TRMT1L: variants seen among roughly 807,000 people sequenced by gnomAD.
The protein encoded by TRMT1L is tRNA (guanine(27)-N(2))-dimethyltransferase.
In TRMT1L, 28 loss-of-function variants were observed where a neutral mutation model predicts 81.6. The observed-to-expected ratio is 0.34, with a 90% CI of 0.25 to 0.47. The LOEUF (loss-of-function observed/expected upper bound fraction) is 0.47. TRMT1L is among the 20% of genes least tolerant of loss of function. The probability of loss-of-function intolerance (pLI) is 1.00; values close to 1 mark genes in which losing one functional copy is unlikely to be tolerated. For missense variants in TRMT1L, 739 were observed against 877.1 expected, an observed-to-expected ratio of 0.84 and a Z score of 1.99; for synonymous variants, 301 against 303.2, an observed-to-expected ratio of 0.99 and a Z score of 0.07.
chr1:185,134,370 T>TAAA (rs1373489536), intron 10 of TRMT1L, among the ~76,000 whole-genome samples: 3 of 152,136 alleles, frequency 2.0e-5, no homozygotes, highest in Non-Finnish European at 2.9e-5. Flanking sequence ...TTTTGTACTT[T>TAAA]TAGTAGAGAT....
At chr1:185,153,889 C>A (rs1458132516) in intron 1 of TRMT1L, among the ~76,000 whole-genome samples, 1 of 152,174 alleles carries the variant, frequency 6.6e-6, no homozygotes, top group Non-Finnish European at 1.5e-5. Context: ...GATATTAGCA[C>A]CTTCTTGACT....
At chr1:185,156,337 C>G (rs1290975717) in intron 1 of TRMT1L, 141 bp downstream of exon 1, 2 of 1,575,066 alleles carry the variant, frequency 1.3e-6, no homozygotes, top group African/African-American at 1.3e-5. Context: ...AGCCGCTACA[C>G]GGGCCCCTCT....
At chr1:185,147,267 T>A in intron 3 of TRMT1L, 21 bp from the exon 4 acceptor site, 1 of 1,558,928 alleles carries the variant, frequency 6.4e-7, no homozygotes, top group South Asian at 1.2e-5. Flanking sequence ...GAATGGCTGG[T>A]TATCATACAT....
At chr1:185,136,309 T>C (rs1652898551) in intron 10 of TRMT1L, among the ~76,000 whole-genome samples, 1 of 152,114 alleles carries the variant, frequency 6.6e-6, no homozygotes, top group African/African-American at 2.4e-5. Flanking sequence ...CTTGGGAGGC[T>C]GAGGCAGGAG....
chr1:185,125,448 TGA>T (rs1410595438), intron 11 of TRMT1L, among the ~76,000 whole-genome samples: 1 of 152,098 alleles, frequency 6.6e-6, no homozygotes, highest in Non-Finnish European at 1.5e-5. Flanking sequence ...ATTACAGGTG[TGA>T]GACACCACAC....
chr1:185,143,010 T>G (rs962907109), intron 7 of TRMT1L, among the ~76,000 whole-genome samples: 1 of 152,200 alleles, frequency 6.6e-6, no homozygotes, highest in African/African-American at 2.4e-5. Flanking sequence ...TGGTTTTATT[T>G]TTTAAAAATC....
At chr1:185,151,260 C>A (rs1402582455) in intron 2 of TRMT1L, among the ~76,000 whole-genome samples, 1 of 152,150 alleles carries the variant, frequency 6.6e-6, no homozygotes, top group East Asian at 1.9e-4. Flanking sequence ...CTTATACCTA[C>A]ATACCTGTCA....
At chr1:185,140,969 C>CAA (rs538571932) in intron 7 of TRMT1L, among the ~76,000 whole-genome samples, 3,028 of 88,832 alleles carry the variant, frequency 0.034, 125 homozygotes, top group African/African-American at 0.11. Context: ...GACCCTATCT[C>CAA]AAAAAAAAAA....
rs1653207016 is a variant in TRMT1L at position 185,147,083 on chromosome 1, A to C, written c.525+99T>G. ...CTCAGAGAATTTTAAAGTAAACCACACTGCTGAACATACACATTTTAGTTT... is the reference window on the plus strand; with the variant it reads ...CTCAGAGAATTTTAAAGTAAACCACCCTGCTGAACATACACATTTTAGTTT... On this transcript the variant is annotated intron_variant, in intron 4 of 14. Transcript: ENST00000367506. 14 of 683,634 alleles carry C rather than the reference A, an allele frequency of 2.0e-5. No homozygotes were observed. In the South Asian group the frequency reaches 2.8e-4, roughly 14 times the overall value. 42.3% of individuals were successfully genotyped at this position (683,634 alleles called of 1,614,324 possible). A position where few individuals can be genotyped will look rare whatever the true frequency, so the allele number is the denominator to read the frequency against.
At chr1:185,140,785 C>T (rs1653016470) in intron 7 of TRMT1L, among the ~76,000 whole-genome samples, 1 of 151,548 alleles carries the variant, frequency 6.6e-6, no homozygotes, top group Non-Finnish European at 1.5e-5. Context: ...TTGAGACCAG[C>T]TTGGGCAACA....
intron 10 of TRMT1L, among the ~76,000 whole-genome samples, chr1:185,129,557 C>G (rs996771156): frequency 5.9e-5 from 9 of 152,170 alleles, no homozygotes; most frequent in Admixed American, 3.3e-4. Context: ...TAATTCCCTC[C>G]ACTCCAGGCC....
Position 185,140,021 on chromosome 1 carries a change from G to T in TRMT1L, c.1061C>A (p.Thr354Asn), listed in dbSNP as rs778988404. 1 of 1,613,440 alleles carries T rather than the reference G, an allele frequency of 6.2e-7. No individual in the cohort carries two copies. Among genetic ancestry groups the T allele is most frequent in the African/African-American group, 1.3e-5 (1 of 74,882 alleles). ...GEKNLGNIKV[T>N]KMDANVLMHL... ...CATCAGTACATTGGCATCCATTTTG[G>T]TCACCTTAATATTACCAAGATTTTT... Residue 354 changes from threonine (T) to asparagine (N), a missense_variant, in exon 8 of 15, where the codon ACC becomes AAC. Thr to Asn is a moderately conservative substitution (Grantham distance 65). Transcript: ENST00000367506.
In TRMT1L at chr1:185,139,571, T is replaced by A; in HGVS notation, c.1118A>T (p.Asp373Val). The A allele has an allele frequency of 1.2e-6, 2 of 1,605,210 alleles. No individual in the cohort carries two copies. Among genetic ancestry groups the A allele is most frequent in the Non-Finnish European group, 1.7e-6 (2 of 1,174,980 alleles). ...HLRSFDFIHL[D>V]PFGTSVNYLD... Reference sequence around the variant, plus strand: ...ATAATTCACTGATGTTCCAAAAGGGTCTAGATGTCTAAAATCAGAAAGAAT... The same window carrying A: ...ATAATTCACTGATGTTCCAAAAGGGACTAGATGTCTAAAATCAGAAAGAAT... Residue 373 changes from aspartate (D) to valine (V), a missense_variant, in exon 9 of 15, where the codon GAC (aspartate) becomes GTC (valine). Physicochemically the swap from Asp to Val is radical, Grantham distance 152. Around this residue, in one of 4 missense-constraint regions of TRMT1L, gnomAD observed 331 missense variants for 462.2 expected, o/e 0.72. Coordinates refer to ENST00000367506, the MANE Select transcript of TRMT1L (RefSeq NM_030934.5).
intron 9 of TRMT1L, among the ~76,000 whole-genome samples, chr1:185,138,874 G>A (rs1204232048): frequency 6.6e-6 from 1 of 152,136 alleles, no homozygotes; most frequent in Non-Finnish European, 1.5e-5. Flanking sequence ...GCAGCATGTG[G>A]CTCCTGGGTT....
intron 13 of TRMT1L, among the ~76,000 whole-genome samples, chr1:185,123,412 T>A (rs898939844): frequency 3.3e-5 from 5 of 152,196 alleles, no homozygotes; most frequent in Non-Finnish European, 5.9e-5. Flanking sequence ...ATTTAAAGTA[T>A]GCACATATCC....
chr1:185,156,981 T>C (rs912562454), upstream of TRMT1L: 8 of 494,268 alleles, frequency 1.6e-5, no homozygotes, highest in African/African-American at 1.6e-4. Flanking sequence ...CGCAGAAGCG[T>C]ACTGGGGACG....
Position 185,145,543 on chromosome 1 carries a change from T to C in TRMT1L, c.551A>G (p.Tyr184Cys), listed in dbSNP as rs773187432. ...EQITSKMGAH[Y>C]HCIICSATIT... ...TGTTGCTGAACAAATGATACAATGA[T>C]AATGGGCTCCCATTTTACTGGTTAT... Residue 184 changes from tyrosine (Y) to cysteine (C), a missense_variant, in exon 5 of 15, where the codon TAT (tyrosine) becomes TGT (cysteine). Tyr to Cys is a radical substitution (Grantham distance 194). Transcript: ENST00000367506. 6.8e-6 allele frequency: 11 copies of C among 1,611,896 alleles called. No homozygotes were observed. The highest frequency in any genetic ancestry group is 8.5e-6 in the Non-Finnish European group (10 of 1,178,532).
chr1:185,148,949 TATTTTAC>T (rs1471100943), intron 3 of TRMT1L, among the ~76,000 whole-genome samples: 1 of 152,204 alleles, frequency 6.6e-6, no homozygotes. Flanking sequence ...ACTCCAACCA[TATTTTAC>T]AATTTCTGTG....
chr1:185,123,882 G>T lies in TRMT1L; in HGVS notation c.1797C>A (p.Thr599=). ...NGVFIKTTDD[T]TTDNYIAQGK... Reference sequence around the variant, plus strand: ...CTTGTGCAATGTAATTATCTGTTGTGGTGTCATCTGTAGTTTTAATAAATA... The same window carrying T: ...CTTGTGCAATGTAATTATCTGTTGTTGTGTCATCTGTAGTTTTAATAAATA... The change falls in exon 13 of 15, where the codon ACC becomes ACA. Residue 599 remains threonine (T), a synonymous_variant. Coordinates refer to ENST00000367506, the MANE Select transcript of TRMT1L (RefSeq NM_030934.5). 1 of 1,513,474 alleles carries T rather than the reference G, an allele frequency of 6.6e-7. No homozygotes were observed. Among genetic ancestry groups the T allele is most frequent in the Admixed American group, 2.4e-5 (1 of 41,952 alleles). The allele number at this position is 1,513,474 out of a possible 1,614,324, so 93.8% of individuals were successfully genotyped here.
Sources: allele counts gnomAD v4.1 joint callset (sites outside exome capture counted in the v4.1 genomes callset), GRCh38; gene constraint gnomAD v4.1.1; regional missense constraint gnomAD v4.1.1; transcripts MANE v1.5; gene names NCBI Gene and HGNC (gene_info 2026-07-23, HGNC 2026-07-21).